Variants in LRCH2 observed in about 807,000 individuals in gnomAD.
The protein encoded by LRCH2 is leucine rich repeats and calponin homology domain containing 2.
In LRCH2, 38 loss-of-function variants were observed where a neutral mutation model predicts 68.9. The observed-to-expected ratio is 0.55, with a 90% CI of 0.43 to 0.72. LRCH2 has a LOEUF of 0.72. Among genes scored for constraint, LRCH2 ranks in the 30% least tolerant of loss-of-function variants. LRCH2 has a pLI of 0.00. For synonymous variants in LRCH2, 191 were observed against 208.1 expected (o/e 0.92, Z 0.71); for missense variants, 528 against 572.9 (o/e 0.92, Z 0.80).
chrX:115,156,249 A>G (rs1369447645), intron 12 of LRCH2, among the ~76,000 whole-genome samples: 1 of 111,863 alleles, frequency 8.9e-6, no homozygotes, highest in Admixed American at 9.5e-5. Flanking sequence ...GTACCACCCA[A>G]TTGAAAAGAA....
In LRCH2 at chrX:115,125,038, C is replaced by T. The variant is rs1246325166; in HGVS notation, c.1792-1036G>A. On this transcript the variant is annotated intron_variant, in intron 16 of 20. Coordinates refer to ENST00000317135, the MANE Select transcript of LRCH2 (RefSeq NM_020871.4). ...TACATACTCACCACCCTATCCAAAT[C>T]TACAAGCCTCCCAGTTTGTCTTCAC... Among the ~76,000 whole-genome samples the T allele has an allele frequency of 4.5e-5, 5 of 111,195 alleles. No homozygotes were observed. In the East Asian group the frequency reaches 1.1e-3, roughly 25 times the overall value.
chrX:115,124,058 A>G (rs940107044), intron 16 of LRCH2, 56 bp from the exon 17 acceptor site: 4 of 704,673 alleles, frequency 5.7e-6, no homozygotes, highest in Non-Finnish European at 7.9e-6. Context: ...CTTTTCTTTC[A>G]AAATAATCAA....
chrX:115,193,941 T>G (rs1051537422), intron 1 of LRCH2, among the ~76,000 whole-genome samples: 1 of 111,415 alleles, frequency 9.0e-6, no homozygotes, highest in Non-Finnish European at 1.9e-5. Flanking sequence ...GTAAGAAAAT[T>G]TTGTGCCTCT....
Position 115,149,957 on chromosome X carries a change from ATTTAT to A in LRCH2, c.1579-19_1579-15del, listed in dbSNP as rs1488170284. 3 of 1,158,669 alleles carry A rather than the reference ATTTAT, an allele frequency of 2.6e-6. No individual in the cohort carries two copies. The highest frequency in any genetic ancestry group is 1.8e-5 in the African/African-American group (1 of 55,617). ...ATTTTCTAAGGGCTATAATGAGACA[ATTTAT>A]TTTAACTAAATAAAAGAGAACAAAA... On this transcript the variant is annotated splice_polypyrimidine_tract_variant and intron_variant, in intron 13 of 20. Coordinates refer to ENST00000317135, the MANE Select transcript of LRCH2 (RefSeq NM_020871.4).
intron 15 of LRCH2, 39 bp downstream of exon 15, chrX:115,130,116 T>C (rs1205858907): frequency 2.4e-6 from 2 of 832,922 alleles, no homozygotes; most frequent in East Asian, 7.3e-5. Flanking sequence ...ATATGATAAG[T>C]AAACATTTCA....
chrX:115,154,770 A>G (rs1326033986), intron 12 of LRCH2, among the ~76,000 whole-genome samples: 2 of 111,619 alleles, frequency 1.8e-5, no homozygotes, highest in African/African-American at 3.3e-5. Flanking sequence ...GAATGCAAAC[A>G]TAAAAGCTTC....
chrX:115,205,191 G>T (rs1378743008), intron 1 of LRCH2, among the ~76,000 whole-genome samples: 2 of 111,290 alleles, frequency 1.8e-5, no homozygotes, highest in Admixed American at 9.5e-5. Flanking sequence ...AACAACATCG[G>T]GGAAACCACC....
intron 6 of LRCH2, 147 bp from the exon 7 acceptor site, chrX:115,166,489 G>T: frequency 2.3e-6 from 1 of 425,864 alleles, no homozygotes; most frequent in Non-Finnish European, 4.1e-6. Context: ...AAAAATATCA[G>T]AACTCTTCCT....
intron 1 of LRCH2, among the ~76,000 whole-genome samples, chrX:115,197,966 T>C (rs2072902748): frequency 9.8e-6 from 1 of 102,138 alleles, no homozygotes; most frequent in South Asian, 4.7e-4. Context: ...TTTCAGAACT[T>C]GAAGACAGGT....
intron 5 of LRCH2, 149 bp downstream of exon 5, chrX:115,179,278 G>A: frequency 2.6e-6 from 1 of 391,346 alleles, no homozygotes; most frequent in Non-Finnish European, 4.1e-6. Flanking sequence ...CTACCAAAGT[G>A]CAAAAGGCAA....
At chrX:115,233,507 T>C (rs2073166320) in intron 1 of LRCH2, among the ~76,000 whole-genome samples, 186 bp downstream of exon 1, 1 of 111,746 alleles carries the variant, frequency 8.9e-6, no homozygotes, top group Non-Finnish European at 1.9e-5. Flanking sequence ...TCAGGCAGCA[T>C]TCCTCCCCTC....
intron 1 of LRCH2, among the ~76,000 whole-genome samples, chrX:115,215,769 CAAAAAA>C (rs57563158): frequency 6.6e-5 from 3 of 45,204 alleles, no homozygotes. Flanking sequence ...GACTCCATCT[CAAAAAA>C]AAAAAAAAAA....
chrX:115,212,458 A>C (rs1322582654), intron 1 of LRCH2, among the ~76,000 whole-genome samples: 1 of 112,156 alleles, frequency 8.9e-6, no homozygotes, highest in Non-Finnish European at 1.9e-5. Flanking sequence ...AATTTGTCCA[A>C]GGATGCAAGC....
chrX:115,197,847 T>TCTCTCTCTCACACA (rs782358260), intron 1 of LRCH2, among the ~76,000 whole-genome samples: 54 of 20,557 alleles, frequency 2.6e-3, no homozygotes, highest in Middle Eastern at 0.034. Flanking sequence ...TCTCTCTCTC[T>TCTCTCTCTCACACA]CACACACACA....
intron 11 of LRCH2, among the ~76,000 whole-genome samples, chrX:115,157,215 T>G (rs2072482211): frequency 9.3e-6 from 1 of 106,954 alleles, no homozygotes; most frequent in Admixed American, 9.9e-5. Context: ...TACATAATGT[T>G]ACATAATTCT....
At position 115,163,655 on chromosome X, in the gene LRCH2, TC is replaced by T. The variant is rs2072536621; in HGVS notation, c.1463+20del. The stretch of plus-strand genomic sequence containing the variant: ...TGATTATAAAATTTGCCAATTCAAA[TC>T]TCATTACTGAAAGGAATACCTGTTC... On this transcript the variant is annotated intron_variant, in intron 11 of 20. Transcript: ENST00000317135. 1 of 1,097,082 alleles carries T rather than the reference TC, an allele frequency of 9.1e-7. No individual in the cohort carries two copies. Among genetic ancestry groups the T allele is most frequent in the Admixed American group, 2.6e-5 (1 of 38,586 alleles). The allele number at this position is 1,097,082 out of a possible 1,213,427, so 90.4% of individuals were successfully genotyped here.
intron 1 of LRCH2, among the ~76,000 whole-genome samples, chrX:115,211,665 C>T (rs2073007918): frequency 8.9e-6 from 1 of 111,773 alleles, no homozygotes; most frequent in Non-Finnish European, 1.9e-5. Flanking sequence ...TCCTTTAACA[C>T]ACTACTGTGG....
chrX:115,148,492 G>A (rs928216609), intron 14 of LRCH2, among the ~76,000 whole-genome samples: 43 of 111,575 alleles, frequency 3.9e-4, no homozygotes, highest in African/African-American at 1.3e-3. Flanking sequence ...TACAATAAAG[G>A]AGAGCAAATA....
intron 1 of LRCH2, among the ~76,000 whole-genome samples, chrX:115,221,309 C>A (rs1556573827): frequency 3.0e-5 from 3 of 98,933 alleles, no homozygotes; most frequent in African/African-American, 1.2e-4. Flanking sequence ...GAAGCAATAA[C>A]AAGATATGTC....
Sources: allele counts gnomAD v4.1 joint callset (sites outside exome capture counted in the v4.1 genomes callset), GRCh38; gene constraint gnomAD v4.1.1; transcripts MANE v1.5; gene names NCBI Gene and HGNC (gene_info 2026-07-23, HGNC 2026-07-21).